Variants in SP4 observed in about 807,000 individuals in gnomAD.
The protein encoded by SP4 is transcription factor Sp4.
In SP4, 19 loss-of-function variants were observed where a neutral mutation model predicts 72.8. That is an observed-to-expected ratio of 0.26 (90% CI 0.18 to 0.38). The LOEUF (loss-of-function observed/expected upper bound fraction) is 0.38, where lower values mean the gene tolerates loss of function less well. Ranked by LOEUF, SP4 falls within the 10% of genes least tolerant of loss-of-function variation. SP4 has a pLI of 1.00. For synonymous variants in SP4, 395 were observed against 333.1 expected (o/e 1.19, Z -2.02); for missense variants, 1,008 against 926.3 (o/e 1.09, Z -1.14).
At chr7:21,456,658 A>C (rs541782293) in intron 3 of SP4, among the ~76,000 whole-genome samples, 1 of 152,230 alleles carries the variant, frequency 6.6e-6, no homozygotes, top group Admixed American at 6.5e-5. Flanking sequence ...GATTACCCAC[A>C]GGGAAAACAG....
At chr7:21,482,207 T>C in intron 5 of SP4, 84 bp downstream of exon 5, 1 of 1,050,412 alleles carries the variant, frequency 9.5e-7, no homozygotes, top group East Asian at 2.4e-5. Flanking sequence ...GCTATCAAAT[T>C]GGAAATATGC....
intron 3 of SP4, among the ~76,000 whole-genome samples, chr7:21,465,725 G>T (rs1173698551): frequency 6.6e-6 from 1 of 152,112 alleles, no homozygotes; most frequent in Non-Finnish European, 1.5e-5. Context: ...ATTTAGCTGG[G>T]TATGGTGGCA....
At chr7:21,435,126 G>A (rs1783005319) in intron 3 of SP4, among the ~76,000 whole-genome samples, 2 of 152,144 alleles carry the variant, frequency 1.3e-5, no homozygotes, top group Admixed American at 1.3e-4. Context: ...ATTTTTGGCA[G>A]TAATCATCAT....
chr7:21,428,329 G>C (rs563824129), intron 1 of SP4, 71 bp downstream of exon 1: 3 of 768,222 alleles, frequency 3.9e-6, no homozygotes, highest in Admixed American at 2.0e-5. Context: ...GACCCTGCTC[G>C]GTTCTCCCCC....
At chr7:21,493,231 C>T (rs1785024826) in intron 5 of SP4, among the ~76,000 whole-genome samples, 2 of 151,208 alleles carry the variant, frequency 1.3e-5, no homozygotes, top group South Asian at 2.1e-4. Flanking sequence ...AGTATGTTCT[C>T]ACATCATTAA....
At chr7:21,504,587 A>AT (rs1781948144) in intron 5 of SP4, among the ~76,000 whole-genome samples, 1 of 152,144 alleles carries the variant, frequency 6.6e-6, no homozygotes, top group Admixed American at 6.5e-5. Context: ...TTGTTATTCT[A>AT]TGATATCTAA....
intron 3 of SP4, among the ~76,000 whole-genome samples, chr7:21,441,292 C>T (rs1403992253): frequency 2.0e-5 from 3 of 152,006 alleles, no homozygotes; most frequent in Admixed American, 6.6e-5. Context: ...TTGATGGGGA[C>T]CAAAGATTGG....
chr7:21,481,877 CCTA>C lies in SP4; in HGVS notation c.1908-43_1908-41del, dbSNP rs1437293014. The C allele has an allele frequency of 3.9e-6, 5 of 1,272,492 alleles. No homozygotes were observed. The Admixed American group carries it at 5.1e-5, about 13-fold the overall frequency. The allele number at this position is 1,272,492 out of a possible 1,614,324, so 78.8% of individuals were successfully genotyped here. On this transcript the variant is annotated intron_variant, in intron 4 of 5. Coordinates refer to ENST00000222584, the MANE Select transcript of SP4 (RefSeq NM_003112.5). ...TTTTTAATTTTTCTATAATTGTAAA[CCTA>C]CTATTTGGCAGTGTAATTAATGTTC...
At chr7:21,500,897 C>T (rs1040188911) in intron 5 of SP4, among the ~76,000 whole-genome samples, 1 of 152,162 alleles carries the variant, frequency 6.6e-6, no homozygotes, top group Non-Finnish European at 1.5e-5. Flanking sequence ...AACACACATT[C>T]GCCTGTCTGA....
chr7:21,459,080 CTA>C (rs1783870967), intron 3 of SP4, among the ~76,000 whole-genome samples: 1 of 151,770 alleles, frequency 6.6e-6, no homozygotes, highest in South Asian at 2.1e-4. Context: ...ATTTAAACTT[CTA>C]TAGAATTAAA....
At chr7:21,503,057 C>T (rs1253959473) in intron 5 of SP4, among the ~76,000 whole-genome samples, 1 of 152,060 alleles carries the variant, frequency 6.6e-6, no homozygotes, top group Admixed American at 6.5e-5. Flanking sequence ...GCATGGCTGT[C>T]TCAGTGGTCA....
intron 5 of SP4, among the ~76,000 whole-genome samples, chr7:21,483,421 G>C (rs555964202): frequency 3.3e-5 from 5 of 151,554 alleles, no homozygotes; most frequent in Admixed American, 1.3e-4. Flanking sequence ...TTTGCTTTTT[G>C]TTTATAAATT....
rs199534869 is a variant in SP4, at chr7:21,430,336, A to G, written c.1171A>G (p.Asn391Asp). The G allele has an allele frequency of 4.3e-6, 7 of 1,614,188 alleles. No homozygotes were observed. Among genetic ancestry groups the G allele is most frequent in the Non-Finnish European group, 5.9e-6 (7 of 1,180,046 alleles). The change falls in exon 3 of 6, where the codon AAT becomes GAT. Residue 391 changes from asparagine to aspartate, a missense_variant. Physicochemically the swap from Asn to Asp is conservative, Grantham distance 23. Coordinates refer to ENST00000222584, the MANE Select transcript of SP4 (RefSeq NM_003112.5). ...NGMQNAQDQS[N>D]SLQQVQIVGQ... Reference sequence around the variant, plus strand: ...AATGCAGAATGCACAGGATCAATCAAATTCTCTTCAGCAGGTGCAAATTGT... The same window carrying G: ...AATGCAGAATGCACAGGATCAATCAGATTCTCTTCAGCAGGTGCAAATTGT...
At chr7:21,492,388 G>C (rs1335970999) in intron 5 of SP4, among the ~76,000 whole-genome samples, 1 of 152,176 alleles carries the variant, frequency 6.6e-6, no homozygotes. Flanking sequence ...CTAATTCACA[G>C]CGCTCCAAAA....
intron 3 of SP4, among the ~76,000 whole-genome samples, chr7:21,463,582 A>T (rs897856545): frequency 1.3e-5 from 2 of 152,212 alleles, no homozygotes; most frequent in Admixed American, 1.3e-4. Context: ...ACTAGGGAAC[A>T]AAGTGAGGAT....
intron 5 of SP4, among the ~76,000 whole-genome samples, chr7:21,495,273 T>C (rs115274638): frequency 0.012 from 1,900 of 152,232 alleles, 46 homozygotes; most frequent in African/African-American, 0.043. Context: ...CTGTGATGGA[T>C]CCTGTTAAGA....
chr7:21,459,794 A>G (rs1169891030), intron 3 of SP4, among the ~76,000 whole-genome samples: 1 of 152,204 alleles, frequency 6.6e-6, no homozygotes, highest in Non-Finnish European at 1.5e-5. Context: ...TCTCAACTGC[A>G]TATCCATTTC....
intron 5 of SP4, among the ~76,000 whole-genome samples, chr7:21,487,535 A>G (rs763650006): frequency 2.6e-5 from 4 of 151,364 alleles, no homozygotes; most frequent in Admixed American, 6.6e-5. Flanking sequence ...TTTAATTTCC[A>G]ATAGTGTATT....
chr7:21,435,013 AAG>A (rs1783001262), intron 3 of SP4, among the ~76,000 whole-genome samples: 2 of 152,210 alleles, frequency 1.3e-5, no homozygotes. Context: ...GCCCTAAATA[AAG>A]TGAATTTCAG....
Sources: gnomAD v4.1 joint callset for allele counts (sites outside exome capture counted in the v4.1 genomes callset) on GRCh38, gnomAD v4.1.1 for gene constraint, MANE v1.5 for transcripts, NCBI Gene and HGNC (gene_info 2026-07-23, HGNC 2026-07-21) for gene names.